The following QARS1 variants were observed in gnomAD, a reference collection of about 807,000 sequenced individuals.
QARS1 encodes the protein glutaminyl-tRNA synthetase 1.
A neutral mutation model predicts 106.9 loss-of-function variants in QARS1; 79 were observed. That is an observed-to-expected ratio of 0.74 (90% confidence interval 0.62 to 0.89). QARS1 has a LOEUF of 0.89. Ranked by LOEUF, QARS1 falls within the 40% of genes least tolerant of loss-of-function variation. QARS1 has a pLI of 0.00. For synonymous variants in QARS1, 395 were observed against 367.7 expected (o/e 1.07, Z -0.85); for missense variants, 966 against 997.2 (o/e 0.97, Z 0.42).
chr3:49,102,636 A>T, intron 5 of QARS1, 164 bp from the exon 6 acceptor site: 1 of 719,058 alleles, frequency 1.4e-6, no homozygotes, highest in Non-Finnish European at 2.4e-6. Flanking sequence ...TGCTAGCTTA[A>T]AATGCTCTTG....
At chr3:49,104,083 C>T in intron 2 of QARS1, 111 bp from the exon 3 acceptor site, 2 of 1,182,616 alleles carry the variant, frequency 1.7e-6, no homozygotes, top group Non-Finnish European at 2.5e-6. Context: ...AAAAGTTAAG[C>T]CCTGGCACCA....
At chr3:49,101,771 C>A (rs1257306716) in intron 8 of QARS1, 57 bp downstream of exon 8, 3 of 1,608,962 alleles carry the variant, frequency 1.9e-6, no homozygotes, top group Non-Finnish European at 2.5e-6. Context: ...AGGGGCCTGA[C>A]TATAGGAGCT....
At chr3:49,104,264 CAG>C in intron 2 of QARS1, 58 bp downstream of exon 2, 2 of 1,598,708 alleles carry the variant, frequency 1.3e-6, no homozygotes, top group East Asian at 2.2e-5. Context: ...AAAGGGAAGA[CAG>C]GGGTCTTGGC....
intron 23 of QARS1, 66 bp downstream of exon 23, chr3:49,097,926 C>G: frequency 6.2e-7 from 1 of 1,601,118 alleles, no homozygotes; most frequent in Non-Finnish European, 8.5e-7. Context: ...ATGCAGAGCA[C>G]TTGGCACAAT....
chr3:49,099,683 C>G (rs747492368), intron 15 of QARS1, 36 bp from the exon 16 acceptor site: 2 of 1,612,048 alleles, frequency 1.2e-6, no homozygotes, highest in African/African-American at 1.3e-5. Context: ...CTGGCCAGCT[C>G]TGGAACCAGG....
rs2042482951 is a variant in QARS1 at position 49,102,397 on chromosome 3, T to C, written c.570+22A>G. 2.5e-6 allele frequency: 4 copies of C among 1,614,108 alleles called. No individual in the cohort carries two copies. In the South Asian group the frequency reaches 4.4e-5, roughly 18 times the overall value. On this transcript the variant is annotated intron_variant, in intron 6 of 23. Transcript: ENST00000306125. ...CATACCTCACCTCACCCTCAGGGACTCAGGGCCATGCCCATCCCTACCTTG... is the reference window on the plus strand; with the variant it reads ...CATACCTCACCTCACCCTCAGGGACCCAGGGCCATGCCCATCCCTACCTTG...
In QARS1 at chr3:49,099,845, T is replaced by C. The variant is rs143462532; in HGVS notation, c.1304A>G (p.Tyr435Cys). ...HHRTGDKWCI[Y>C]PTYDYTHCLC... ...GCAGTGTGTGTAGTCGTAGGTGGGA[T>C]AGATGCACCTGTGGGGCATAGGCAG... Residue 435 changes from tyrosine to cysteine, a missense_variant, in exon 15 of 24, where the codon TAT becomes TGT. Coordinates refer to ENST00000306125, the MANE Select transcript of QARS1 (RefSeq NM_005051.3). 37 of 1,612,428 alleles carry C rather than the reference T, an allele frequency of 2.3e-5. No homozygotes were observed. Among genetic ancestry groups the C allele is most frequent in the African/African-American group, 4.0e-5 (3 of 74,372 alleles).
At position 49,103,876 on chromosome 3, in the gene QARS1, T is replaced by C; in HGVS notation, c.362A>G (p.Gln121Arg). Residue 121 changes from glutamine (Q) to arginine (R), a missense_variant, in exon 3 of 24, where the codon CAG becomes CGG. Physicochemically the swap from Gln to Arg is conservative, Grantham distance 43 (BLOSUM62 1). Coordinates refer to ENST00000306125, the MANE Select transcript of QARS1 (RefSeq NM_005051.3). ...GGAAAGACTCACAGCCTCCTCAATC[T>C]GCTCTGGGGTCACAATGACACCCAC... ...CGVGVIVTPEQIEEAVEAAIN... is the reference protein window; with the variant it reads ...CGVGVIVTPERIEEAVEAAIN... 1 of 1,614,044 alleles carries C rather than the reference T, an allele frequency of 6.2e-7. No homozygotes were observed. Among genetic ancestry groups the C allele is most frequent in the Non-Finnish European group, 8.5e-7 (1 of 1,179,996 alleles).
intron 20 of QARS1, 33 bp from the exon 21 acceptor site, chr3:49,098,513 C>T (rs767548783): frequency 1.2e-6 from 2 of 1,613,818 alleles, no homozygotes; most frequent in South Asian, 2.2e-5. Context: ...AGCAATTAGA[C>T]CCGGGAACCA....
chr3:49,103,716 G>A lies in QARS1; in HGVS notation c.376-10C>T, dbSNP rs771043693. On this transcript the variant is annotated splice_polypyrimidine_tract_variant and intron_variant, in intron 3 of 23. Coordinates refer to ENST00000306125, the MANE Select transcript of QARS1 (RefSeq NM_005051.3). ...TAATAGCAGCCTCCACCTGCAGAAAGCCAAACCATGTGGTTCAGGAAAGCC... is the reference window on the plus strand; with the variant it reads ...TAATAGCAGCCTCCACCTGCAGAAAACCAAACCATGTGGTTCAGGAAAGCC... 6.8e-6 allele frequency: 11 copies of A among 1,613,020 alleles called. No individual in the cohort carries two copies. The highest frequency in any genetic ancestry group is 1.3e-5 in the African/African-American group (1 of 74,876).
At chr3:49,103,259 TCTTC>T in intron 5 of QARS1, 82 bp downstream of exon 5, 1 of 1,430,694 alleles carries the variant, frequency 7.0e-7, no homozygotes, top group Non-Finnish European at 9.8e-7. Flanking sequence ...TGCCCAGCCC[TCTTC>T]CTGCCTTTTA....
chr3:49,102,590 C>T (rs950760384), intron 5 of QARS1, 118 bp from the exon 6 acceptor site: 10 of 1,043,334 alleles, frequency 9.6e-6, no homozygotes, highest in Admixed American at 5.9e-5. Flanking sequence ...ACTGAAAAAA[C>T]CTACCTAGCC....
In QARS1 at chr3:49,104,336, G is replaced by T. The variant is rs1264945460; in HGVS notation, c.253C>A (p.Pro85Thr). 2 of 1,614,046 alleles carry T rather than the reference G, an allele frequency of 1.2e-6. No homozygotes were observed. The highest frequency in any genetic ancestry group is 1.7e-6 in the Non-Finnish European group (2 of 1,180,020). ...YIASKKIHTE[P>T]QLSAALEYVR... is the part of the protein sequence containing the mutation. The stretch of plus-strand genomic sequence containing the variant: ...GTAGGGGTCTCACCGCTTAGCTGGG[G>T]CTCAGTGTGGATCTTCTTACTGGCT... Residue 85 changes from proline to threonine, a missense_variant, in exon 2 of 24, where the codon CCC becomes ACC. Pro to Thr is a conservative substitution (Grantham distance 38, BLOSUM62 -1). Coordinates refer to ENST00000306125, the MANE Select transcript of QARS1 (RefSeq NM_005051.3).
rs2042447740 is a variant in QARS1, at chr3:49,100,037, C to T, written c.1219G>A (p.Val407Met). Residue 407 changes from valine (V) to methionine (M), a missense_variant, in exon 14 of 24, where the codon GTG (valine) becomes ATG (methionine). Physicochemically the swap from Val to Met is conservative, Grantham distance 21. Transcript: ENST00000306125. ...GGGTCCATCTTGCCATCCTCCATCA[C>T]CAGCTTCATCCGTAGTGTGGCCTCG... The part of the protein sequence containing the change: ...EGEATLRMKL[V>M]MEDGKMDPVA... 1 of 1,614,204 alleles carries T rather than the reference C, an allele frequency of 6.2e-7. No homozygotes were observed. Among genetic ancestry groups the T allele is most frequent in the African/African-American group, 1.3e-5 (1 of 75,054 alleles).
At position 49,098,938 on chromosome 3, in the gene QARS1, G is replaced by A; in HGVS notation, c.1810C>T (p.His604Tyr). The A allele has an allele frequency of 1.9e-6, 3 of 1,614,154 alleles. No individual in the cohort carries two copies. Among genetic ancestry groups the A allele is most frequent in the Non-Finnish European group, 2.5e-6 (3 of 1,179,998 alleles). The change falls in exon 19 of 24, where the codon CAT becomes TAT. Residue 604 changes from histidine to tyrosine, a missense_variant. Physicochemically the swap from His to Tyr is moderately conservative, Grantham distance 83. Coordinates refer to ENST00000306125, the MANE Select transcript of QARS1 (RefSeq NM_005051.3). ...NFPADETKGFHQVPFAPIVFI... is the reference protein window; with the variant it reads ...NFPADETKGFYQVPFAPIVFI... ...ACAATGGGTGCAAAGGGAACCTGATGGAAGCCTTTGGTCTCATCAGCTGGG... is the reference window on the plus strand; with the variant it reads ...ACAATGGGTGCAAAGGGAACCTGATAGAAGCCTTTGGTCTCATCAGCTGGG...
rs138456917 is a variant in QARS1 at position 49,101,857 on chromosome 3, C to T, written c.674G>A (p.Arg225Gln). 2.3e-5 allele frequency: 37 copies of T among 1,612,300 alleles called. No individual in the cohort carries two copies. Among genetic ancestry groups the T allele is most frequent in the African/African-American group, 6.7e-5 (5 of 74,846 alleles). Residue 225 changes from arginine (R) to glutamine (Q), a missense_variant, in exon 8 of 24, where the codon CGG (arginine) becomes CAG (glutamine). Coordinates refer to ENST00000306125, the MANE Select transcript of QARS1 (RefSeq NM_005051.3). ...CTTGTGGAACTTAAGGGCCTCCCCC[C>T]GGAGCTGCTCCATCAGAGACAGGGT... ...DQTLSLMEQL[R>Q]GEALKFHKPG...
chr3:49,098,968 TG>T lies in QARS1; in HGVS notation c.1779del (p.Asn594ThrfsTer45). ...CCTTTGGTCTCATCAGCTGGGAAGTTGGGCACCTGGATGTCCAAGGACTATA... is the reference window on the plus strand; with the variant it reads ...CCTTTGGTCTCATCAGCTGGGAAGTTGGCACCTGGATGTCCAAGGACTATA... Reference protein sequence around the residue: ...PAAKSLDIQVPNFPADETKGF... With the variant: ...PAAKSLDIQVXNFPADETKGF... On this transcript the variant is annotated frameshift_variant, in exon 19 of 24. Transcript: ENST00000306125. LOFTEE classifies it high-confidence loss of function. The T allele has an allele frequency of 6.2e-7, 1 of 1,614,066 alleles. No individual in the cohort carries two copies. The highest frequency in any genetic ancestry group is 8.5e-7 in the Non-Finnish European group (1 of 1,179,942).
chr3:49,098,501 G>A, intron 20 of QARS1, 21 bp from the exon 21 acceptor site: 1 of 1,613,850 alleles, frequency 6.2e-7, no homozygotes, highest in African/African-American at 1.3e-5. Context: ...GGGGAGGGGA[G>A]CAGCAATTAG....
intron 5 of QARS1, chr3:49,102,857 G>A: frequency 8.6e-6 from 3 of 347,958 alleles, no homozygotes; most frequent in Admixed American, 7.7e-5. Context: ...TGGCCAGGCT[G>A]TTCTCAAACT....
Sources: allele counts gnomAD v4.1 joint callset, GRCh38; gene constraint gnomAD v4.1.1; transcripts MANE v1.5; gene names NCBI Gene and HGNC (gene_info 2026-07-23, HGNC 2026-07-21).